Variants in SIX2 observed in about 807,000 individuals in gnomAD.
SIX2 encodes SIX homeobox 2, also known as homeobox protein SIX2.
Under a neutral mutation model 22.8 loss-of-function variants are expected in SIX2, and 20 were observed. That is an observed-to-expected ratio of 0.88 (90% CI 0.62 to 1.28). The LOEUF (loss-of-function observed/expected upper bound fraction) is 1.28. SIX2 is among the 50% of genes most tolerant of loss of function. The pLI is 0.00. For synonymous variants in SIX2, 195 were observed against 186.4 expected (o/e 1.05, Z -0.37); for missense variants, 360 against 400.0 (o/e 0.90, Z 0.85).
chr2:45,007,670 G>A (rs1306838073), intron 1 of SIX2, among the ~76,000 whole-genome samples: 2 of 152,114 alleles, frequency 1.3e-5, no homozygotes, highest in Non-Finnish European at 2.9e-5. Flanking sequence ...CTTACCCCGG[G>A]CTGGATTCTG....
At position 45,005,824 on chromosome 2, in the gene SIX2, A is replaced by G. The variant is rs545015870; in HGVS notation, c.*346T>C. On this transcript the variant is annotated 3_prime_UTR_variant, in exon 2 of 2. Coordinates refer to ENST00000303077, the MANE Select transcript of SIX2 (RefSeq NM_016932.5). ...AGACAGAAAGCAGAAAAAAGAAAAG[A>G]GAAGGAAGGGAAAGGAAGAGGAAAG... The G allele has an allele frequency of 9.8e-6, 4 of 408,694 alleles. No individual in the cohort carries two copies. In the South Asian group the frequency reaches 1.1e-4, roughly 11 times the overall value. 25.3% of individuals were successfully genotyped at this position (408,694 alleles called of 1,614,324 possible).
chr2:45,005,319 C>T lies in SIX2; in HGVS notation c.*851G>A, dbSNP rs1434726981. 2.0e-5 allele frequency: 3 copies of T among 152,328 alleles called. No individual in the cohort carries two copies. The highest frequency in any genetic ancestry group is 4.4e-5 in the Non-Finnish European group (3 of 68,012). 9.4% of individuals were successfully genotyped at this position (152,328 alleles called of 1,614,324 possible). ...CGGCGGCTCGGGGGGCGCGCTCAGC[C>T]GGGAGCGCTGTAGTCACAGTCCCGG... On this transcript the variant is annotated 3_prime_UTR_variant, in exon 2 of 2. Coordinates refer to ENST00000303077, the MANE Select transcript of SIX2 (RefSeq NM_016932.5).
Position 45,006,590 on chromosome 2 carries a change from C to T in SIX2, c.561-105G>A. 1 of 1,137,410 alleles carries T rather than the reference C, an allele frequency of 8.8e-7. No individual in the cohort carries two copies. The highest frequency in any genetic ancestry group is 1.3e-6 in the Non-Finnish European group (1 of 760,376). 70.5% of individuals were successfully genotyped at this position (1,137,410 alleles called of 1,614,324 possible). On this transcript the variant is annotated intron_variant, in intron 1 of 1. Coordinates refer to ENST00000303077, the MANE Select transcript of SIX2 (RefSeq NM_016932.5). This position sits in a 1 kb window ranked among gnomAD's most constrained non-coding sequence, Gnocchi z 4.2. ...AGCCACCAGCCTCGGGAGACAGATCCCGGGCTTGTGGCCTGCGGGTGTTTT... is the reference window on the plus strand; with the variant it reads ...AGCCACCAGCCTCGGGAGACAGATCTCGGGCTTGTGGCCTGCGGGTGTTTT...
In SIX2 at chr2:45,008,847, G is replaced by T. The variant is rs764108669; in HGVS notation, c.264C>A (p.Leu88=). ...HNHAKLQQLW[L]KAHYIEAEKL... The stretch of plus-strand genomic sequence containing the variant: ...TCTCCGCCTCGATGTAGTGTGCCTT[G>T]AGCCACAGCTGCTGCAGCTTGGCGT... The change falls in exon 1 of 2, where the codon CTC becomes CTA. Residue 88 remains leucine, a synonymous_variant. Coordinates refer to ENST00000303077, the MANE Select transcript of SIX2 (RefSeq NM_016932.5). 1 of 1,613,952 alleles carries T rather than the reference G, an allele frequency of 6.2e-7. No homozygotes were observed. The highest frequency in any genetic ancestry group is 1.6e-4 in the Middle Eastern group (1 of 6,062).
At position 45,005,884 on chromosome 2, in the gene SIX2, G is replaced by C. The variant is rs1558439431; in HGVS notation, c.*286C>G. On this transcript the variant is annotated 3_prime_UTR_variant, in exon 2 of 2. Coordinates refer to ENST00000303077, the MANE Select transcript of SIX2 (RefSeq NM_016932.5). Reference sequence around the variant, plus strand: ...GCAAGACAAGAGAGGGTAAAAGGAAGAGACAGAGGGAGAGAGAGAATGACA... The same window carrying C: ...GCAAGACAAGAGAGGGTAAAAGGAACAGACAGAGGGAGAGAGAGAATGACA... The C allele has an allele frequency of 3.7e-6, 2 of 546,536 alleles. No individual in the cohort carries two copies. Among genetic ancestry groups the C allele is most frequent in the Middle Eastern group, 4.8e-4 (1 of 2,088 alleles). The allele number at this position is 546,536 out of a possible 1,614,324, so 33.9% of individuals were successfully genotyped here.
chr2:45,007,060 T>C lies in SIX2; in HGVS notation c.561-575A>G, dbSNP rs377675475. Among the ~76,000 whole-genome samples the C allele has an allele frequency of 2.3e-4, 35 of 152,264 alleles. No individual in the cohort carries two copies. In the South Asian group the frequency reaches 6.0e-3, roughly 26 times the overall value. The stretch of plus-strand genomic sequence containing the variant: ...GGGCTAAGCGTCCTTTCCCTGTAGC[T>C]CCAAACTGGGCAGCCCTGTGAGGGC... On this transcript the variant is annotated intron_variant, in intron 1 of 1. Transcript: ENST00000303077.
chr2:45,008,792 C>T lies in SIX2; in HGVS notation c.319G>A (p.Gly107Ser), dbSNP rs1667816691. The part of the protein sequence containing the change: ...KLRGRPLGAV[G>S]KYRVRRKFPL... ...AATTTGCGGCGCACGCGGTATTTGC[C>T]CACGGCGCCCAGGGGTCGGCCGCGC... The change falls in exon 1 of 2, where the codon GGC becomes AGC. Residue 107 changes from glycine to serine, a missense_variant. Physicochemically the swap from Gly to Ser is moderately conservative, Grantham distance 56 (BLOSUM62 0). Transcript: ENST00000303077. 6.2e-7 allele frequency: 1 copy of T among 1,613,848 alleles called. No homozygotes were observed. The highest frequency in any genetic ancestry group is 8.5e-7 in the Non-Finnish European group (1 of 1,179,952).
chr2:45,007,885 T>C (rs1469425602), intron 1 of SIX2, among the ~76,000 whole-genome samples: 1 of 152,052 alleles, frequency 6.6e-6, no homozygotes, highest in Admixed American at 6.5e-5. Context: ...GAGAGAGGCA[T>C]CAAGGGCCTG....
chr2:45,006,577 C>G lies in SIX2; in HGVS notation c.561-92G>C. On this transcript the variant is annotated intron_variant, in intron 1 of 1. Transcript: ENST00000303077. This position sits in a 1 kb window ranked among gnomAD's most constrained non-coding sequence, Gnocchi z 4.2. ...CACAGTCAGAGCCAGCCACCAGCCT[C>G]GGGAGACAGATCCCGGGCTTGTGGC... 1 of 1,237,780 alleles carries G rather than the reference C, an allele frequency of 8.1e-7. No individual in the cohort carries two copies. The highest frequency in any genetic ancestry group is 1.2e-6 in the Non-Finnish European group (1 of 850,548). 76.7% of individuals were successfully genotyped at this position (1,237,780 alleles called of 1,614,324 possible). A position where few individuals can be genotyped will look rare whatever the true frequency, so the allele number is the denominator to read the frequency against.
intron 1 of SIX2, 86 bp downstream of exon 1, chr2:45,008,465 C>G: frequency 6.9e-7 from 1 of 1,449,010 alleles, no homozygotes; most frequent in Non-Finnish European, 9.6e-7. Context: ...CCAGTTTAGG[C>G]CTCTCCGGGG....
intron 1 of SIX2, among the ~76,000 whole-genome samples, chr2:45,007,435 T>A (rs1217195046): frequency 6.6e-6 from 1 of 151,188 alleles, no homozygotes; most frequent in African/African-American, 2.4e-5. Context: ...TTCGGGAGGG[T>A]TTTTCTTTCT....
intron 1 of SIX2, among the ~76,000 whole-genome samples, chr2:45,007,096 G>A (rs1667780871): frequency 6.6e-6 from 1 of 152,218 alleles, no homozygotes; most frequent in African/African-American, 2.4e-5. Flanking sequence ...TCTCCTTGCT[G>A]GGCCTAGAGA....
chr2:45,006,101 C>T lies in SIX2; in HGVS notation c.*69G>A. On this transcript the variant is annotated 3_prime_UTR_variant, in exon 2 of 2. Transcript: ENST00000303077. This position sits in a 1 kb window ranked among gnomAD's most constrained non-coding sequence, Gnocchi z 4.2. ...GGTGGGGCCGCAGGGGCGGGGCGCCCCTGGACACCGCCACTCCACGTCCCC... is the reference window on the plus strand; with the variant it reads ...GGTGGGGCCGCAGGGGCGGGGCGCCTCTGGACACCGCCACTCCACGTCCCC... 1 of 1,563,976 alleles carries T rather than the reference C, an allele frequency of 6.4e-7. No individual in the cohort carries two copies. Among genetic ancestry groups the T allele is most frequent in the Admixed American group, 1.7e-5 (1 of 59,970 alleles).
rs1474185385 is a variant in SIX2, at chr2:45,008,809, C to G, written c.302G>C (p.Arg101Pro). The G allele has an allele frequency of 1.2e-6, 2 of 1,613,732 alleles. No individual in the cohort carries two copies. The highest frequency in any genetic ancestry group is 1.1e-5 in the South Asian group (1 of 91,086). Residue 101 changes from arginine (R) to proline (P), a missense_variant, in exon 1 of 2, where the codon CGA becomes CCA. Arg to Pro is a moderately radical substitution (Grantham distance 103, BLOSUM62 -2). This residue lies in a region of SIX2 where 118 missense variants were observed against 135.1 expected (regional missense o/e 0.87). Coordinates refer to ENST00000303077, the MANE Select transcript of SIX2 (RefSeq NM_016932.5). Reference sequence around the variant, plus strand: ...GTATTTGCCCACGGCGCCCAGGGGTCGGCCGCGCAGCTTCTCCGCCTCGAT... The same window carrying G: ...GTATTTGCCCACGGCGCCCAGGGGTGGGCCGCGCAGCTTCTCCGCCTCGAT... Reference protein sequence around the residue: ...HYIEAEKLRGRPLGAVGKYRV... With the variant: ...HYIEAEKLRGPPLGAVGKYRV...
chr2:45,008,926 T>G lies in SIX2; in HGVS notation c.185A>C (p.Asn62Thr). ...CAGGATCTTGTAGAGCTCGCGGAAGTTGCCGCGGTGGAAGGCCACCACGGC... is the reference window on the plus strand; with the variant it reads ...CAGGATCTTGTAGAGCTCGCGGAAGGTGCCGCGGTGGAAGGCCACCACGGC... The part of the protein sequence containing the change: ...AKAVVAFHRG[N>T]FRELYKILES... The change falls in exon 1 of 2, where the codon AAC becomes ACC. Residue 62 changes from asparagine to threonine, a missense_variant. Coordinates refer to ENST00000303077, the MANE Select transcript of SIX2 (RefSeq NM_016932.5). The G allele has an allele frequency of 1.2e-6, 2 of 1,613,920 alleles. No homozygotes were observed. The highest frequency in any genetic ancestry group is 1.7e-6 in the Non-Finnish European group (2 of 1,179,952).
Position 45,006,059 on chromosome 2 carries a change from C to T in SIX2, c.*111G>A, listed in dbSNP as rs1016386689. Reference sequence around the variant, plus strand: ...CCGGCTGTTCTACCCGCTCAGCCTGCGGGTCTTTCAGTACCTGGTGGGGCC... The same window carrying T: ...CCGGCTGTTCTACCCGCTCAGCCTGTGGGTCTTTCAGTACCTGGTGGGGCC... On this transcript the variant is annotated 3_prime_UTR_variant, in exon 2 of 2. Transcript: ENST00000303077. The surrounding 1 kb of genome is among the most constrained non-coding windows in gnomAD (Gnocchi z 4.2). 20 of 1,146,028 alleles carry T rather than the reference C, an allele frequency of 1.7e-5. No individual in the cohort carries two copies. The highest frequency in any genetic ancestry group is 3.7e-5 in the South Asian group (3 of 81,308). The allele number at this position is 1,146,028 out of a possible 1,614,324, so 71.0% of individuals were successfully genotyped here.
rs372802565 is a variant in SIX2 at position 45,006,521 on chromosome 2, G to C, written c.561-36C>G. Reference sequence around the variant, plus strand: ...GGGAGCAAAGCAGCGGGGTCAGCAGGGACATCGAGACCACCCAGCGCCATC... The same window carrying C: ...GGGAGCAAAGCAGCGGGGTCAGCAGCGACATCGAGACCACCCAGCGCCATC... On this transcript the variant is annotated intron_variant, in intron 1 of 1. Coordinates refer to ENST00000303077, the MANE Select transcript of SIX2 (RefSeq NM_016932.5). This position sits in a 1 kb window ranked among gnomAD's most constrained non-coding sequence, Gnocchi z 4.2. 1.1e-5 allele frequency: 17 copies of C among 1,593,866 alleles called. No homozygotes were observed. Among genetic ancestry groups the C allele is most frequent in the Non-Finnish European group, 1.5e-5 (17 of 1,167,920 alleles).
In SIX2 at chr2:45,006,411, G is replaced by T; in HGVS notation, c.635C>A (p.Ser212Ter). ...CCCCGATGGAGTCTTCTCATCCTCC[G>T]AGCTGCCTAACACCGACTTGCCGCT... is the stretch of plus-strand genomic sequence containing the variant. Reference protein sequence around the residue: ...NGSGKSVLGSSEDEKTPSGTP... With the variant: ...NGSGKSVLGS Residue 212 changes from serine (S) to a stop codon, truncating the protein, a stop_gained, in exon 2 of 2, where the codon TCG becomes TAG. Transcript: ENST00000303077. LOFTEE classifies it high-confidence loss of function. This position sits in a 1 kb window ranked among gnomAD's most constrained non-coding sequence, Gnocchi z 4.2. The T allele has an allele frequency of 6.2e-7, 1 of 1,614,162 alleles. No individual in the cohort carries two copies. Among genetic ancestry groups the T allele is most frequent in the Non-Finnish European group, 8.5e-7 (1 of 1,180,046 alleles).
chr2:45,008,476 G>T, intron 1 of SIX2, 75 bp downstream of exon 1: 1 of 1,510,366 alleles, frequency 6.6e-7, no homozygotes, highest in Non-Finnish European at 9.1e-7. Context: ...CTCTCCGGGG[G>T]ACCGGCAGAA....
Sources: gnomAD v4.1 joint callset for allele counts (sites outside exome capture counted in the v4.1 genomes callset) on GRCh38, gnomAD v4.1.1 for gene constraint, gnomAD v4.1.1 regional missense constraint, Gnocchi (gnomAD v3.1) non-coding constraint, MANE v1.5 for transcripts, NCBI Gene and HGNC (gene_info 2026-07-23, HGNC 2026-07-21) for gene names.